FAM209A: variants seen among roughly 807,000 people sequenced by gnomAD.
The protein encoded by FAM209A is protein FAM209A.
A neutral mutation model predicts 9.8 loss-of-function variants in FAM209A; 4 were observed. The ratio of observed to expected loss-of-function variants is 0.41; its 90% CI spans 0.20 to 0.94. FAM209A has a LOEUF of 0.94. Among genes scored for constraint, FAM209A ranks in the 40% least tolerant of loss-of-function variants. FAM209A has a pLI of 0.32. For synonymous variants in FAM209A, 55 were observed against 77.8 expected, an observed-to-expected ratio of 0.71 and a Z score of 1.54; for missense variants, 205 against 209.4, an observed-to-expected ratio of 0.98 and a Z score of 0.13.
downstream of FAM209A, among the ~76,000 whole-genome samples, chr20:56,531,073 T>C (rs2146399790): frequency 6.6e-6 from 1 of 152,286 alleles, no homozygotes; most frequent in South Asian, 2.1e-4. Flanking sequence ...TGTGGAGTCC[T>C]AGGTTCATTC....
downstream of FAM209A, among the ~76,000 whole-genome samples, chr20:56,528,363 A>G (rs1448579925): frequency 1.3e-5 from 2 of 149,732 alleles, no homozygotes; most frequent in African/African-American, 4.9e-5. Context: ...GAAATTGGGG[A>G]AGGCAGATCA....
downstream of FAM209A, among the ~76,000 whole-genome samples, chr20:56,529,498 G>C (rs995590616): frequency 1.4e-4 from 21 of 151,764 alleles, no homozygotes; most frequent in African/African-American, 4.4e-4. Context: ...GTGGGTGACA[G>C]AGTGAGACTC....
downstream of FAM209A, chr20:56,526,286 A>G: frequency 1.7e-6 from 1 of 603,518 alleles, no homozygotes; most frequent in Non-Finnish European, 2.7e-6. Flanking sequence ...TGGTGAGAAG[A>G]ACACCGAAAG....
chr20:56,533,115 C>G, the FAM209A span: 3 of 1,406,892 alleles, frequency 2.1e-6, no homozygotes, highest in African/African-American at 1.4e-5. Context: ...TGCCTATCCT[C>G]TCTCTCTGAC....
chr20:56,528,808 T>A (rs551505253), downstream of FAM209A, among the ~76,000 whole-genome samples: 75 of 152,304 alleles, frequency 4.9e-4, no homozygotes, highest in African/African-American at 1.8e-3. Context: ...GGACAGGCCC[T>A]GATGGGTTCC....
the FAM209A span, chr20:56,533,404 GTTCTC>G: frequency 1.9e-6 from 3 of 1,614,080 alleles, no homozygotes; most frequent in South Asian, 3.3e-5. Context: ...ATGCCTTTAT[GTTCTC>G]TTCTCTGAGA....
At chr20:56,526,518 G>A (rs1381667965), downstream of FAM209A, among the ~76,000 whole-genome samples, 1 of 152,116 alleles carries the variant, frequency 6.6e-6, no homozygotes, top group East Asian at 1.9e-4. Context: ...TCAATTAGGA[G>A]GGGTGTATTC....
Position 56,524,779 on chromosome 20 carries a change from G to A in FAM209A, c.-30G>A, listed in dbSNP as rs758954868. ...TTGCGAGGGCAAGCAAACCCGTCAT[G>A]AGCAACTCCCTTCCCCATCTCTGCT... On this transcript the variant is annotated 5_prime_UTR_variant, in exon 1 of 2. The change abolishes an upstream ATG in the 5' untranslated region. Transcript: ENST00000371328. 2 of 1,612,004 alleles carry A rather than the reference G, an allele frequency of 1.2e-6. No individual in the cohort carries two copies. Among genetic ancestry groups the A allele is most frequent in the Non-Finnish European group, 1.7e-6 (2 of 1,178,444 alleles).
chr20:56,527,780 C>G (rs762258275), downstream of FAM209A, among the ~76,000 whole-genome samples: 4 of 152,224 alleles, frequency 2.6e-5, no homozygotes, highest in Non-Finnish European at 4.4e-5. Flanking sequence ...GGTCCCAACC[C>G]CGGGCCCTGA....
chr20:56,527,666 G>A (rs6024928), downstream of FAM209A, among the ~76,000 whole-genome samples: 700 of 152,258 alleles, frequency 4.6e-3, 8 homozygotes, highest in African/African-American at 0.016. Flanking sequence ...TGGCTTCTGC[G>A]GCTGCAGCAG....
chr20:56,533,329 A>G, the FAM209A span: 1 of 1,613,022 alleles, frequency 6.2e-7, no homozygotes, highest in Non-Finnish European at 8.5e-7. Flanking sequence ...TCCCTTCCCC[A>G]TCTCTGCTCA....
downstream of FAM209A, among the ~76,000 whole-genome samples, chr20:56,526,751 G>A (rs754500689): frequency 7.0e-4 from 106 of 151,798 alleles, no homozygotes; most frequent in Non-Finnish European, 1.4e-3. Context: ...GACAGAGCGA[G>A]ACTCCATCTC....
chr20:56,533,000 A>G, the FAM209A span: 1 of 246,802 alleles, frequency 4.1e-6, no homozygotes, highest in African/African-American at 2.3e-5. Flanking sequence ...TCTGCTCATC[A>G]TAGTGTTTGG....
At chr20:56,526,498 G>A, downstream of FAM209A, among the ~76,000 whole-genome samples, 1 of 152,088 alleles carries the variant, frequency 6.6e-6, no homozygotes, top group Non-Finnish European at 1.5e-5. Context: ...TTTTAAAATG[G>A]TAAAATGATT....
chr20:56,525,979 G>A lies in FAM209A; in HGVS notation c.425G>A (p.Gly142Asp). Residue 142 changes from glycine to aspartate, a missense_variant, in exon 2 of 2, where the codon GGC becomes GAC. Physicochemically the swap from Gly to Asp is moderately conservative, Grantham distance 94. Coordinates refer to ENST00000371328, the MANE Select transcript of FAM209A (RefSeq NM_001012971.4). ...NLKRAMATGS[G>D]SNLRLRKSEM... ...AAACGTGCCATGGCAACAGGTAGTGGCAGTAACCTCAGGCTTCGAAAGTCA... is the reference window on the plus strand; with the variant it reads ...AAACGTGCCATGGCAACAGGTAGTGACAGTAACCTCAGGCTTCGAAAGTCA... 6.2e-7 allele frequency: 1 copy of A among 1,614,198 alleles called. No individual in the cohort carries two copies. The highest frequency in any genetic ancestry group is 8.5e-7 in the Non-Finnish European group (1 of 1,180,044).
chr20:56,527,645 G>GCTC (rs1985593290), downstream of FAM209A, among the ~76,000 whole-genome samples: 1 of 152,212 alleles, frequency 6.6e-6, no homozygotes, highest in Non-Finnish European at 1.5e-5. Flanking sequence ...AGACCATGAG[G>GCTC]CAGGAGGCCA....
Position 56,525,053 on chromosome 20 carries a change from A to G in FAM209A, c.245A>G (p.Asn82Ser), listed in dbSNP as rs1568718567. Residue 82 changes from asparagine to serine, a missense_variant, in exon 1 of 2, where the codon AAT becomes AGT. Physicochemically the swap from Asn to Ser is conservative, Grantham distance 46 (BLOSUM62 1). Transcript: ENST00000371328. ...ILQCQRDSEK[N>S]KEQSPPGLRG... ...CAGTGTCAAAGAGACAGTGAGAAGA[A>G]TAAGGTAAGGATGGCTCCATTTTTT... 6.2e-7 allele frequency: 1 copy of G among 1,614,158 alleles called. No homozygotes were observed. Among genetic ancestry groups the G allele is most frequent in the South Asian group, 1.1e-5 (1 of 91,084 alleles).
chr20:56,526,141 T>C lies in FAM209A; in HGVS notation c.*71T>C. Reference sequence around the variant, plus strand: ...TGTATGCAAACTAATAAAACTATTCTGAAGAAAAGAACTTCCATGTTTGAG... The same window carrying C: ...TGTATGCAAACTAATAAAACTATTCCGAAGAAAAGAACTTCCATGTTTGAG... On this transcript the variant is annotated 3_prime_UTR_variant, in exon 2 of 2. Coordinates refer to ENST00000371328, the MANE Select transcript of FAM209A (RefSeq NM_001012971.4). 1 of 1,492,764 alleles carries C rather than the reference T, an allele frequency of 6.7e-7. No individual in the cohort carries two copies. Among genetic ancestry groups the C allele is most frequent in the Non-Finnish European group, 8.9e-7 (1 of 1,123,064 alleles). The allele number at this position is 1,492,764 out of a possible 1,614,324, so 92.5% of individuals were successfully genotyped here.
rs370781651 is a variant in FAM209A, at chr20:56,524,805, C to T, written c.-4C>T. On this transcript the variant is annotated 5_prime_UTR_variant, in exon 1 of 2. Transcript: ENST00000371328. ...AGCAACTCCCTTCCCCATCTCTGCTCACCATGTGGACGCTGAAATCGTCCC... is the reference window on the plus strand; with the variant it reads ...AGCAACTCCCTTCCCCATCTCTGCTTACCATGTGGACGCTGAAATCGTCCC... 1 of 1,614,018 alleles carries T rather than the reference C, an allele frequency of 6.2e-7. No individual in the cohort carries two copies. Among genetic ancestry groups the T allele is most frequent in the Non-Finnish European group, 8.5e-7 (1 of 1,179,872 alleles).
Sources: gnomAD v4.1 joint callset for allele counts (sites outside exome capture counted in the v4.1 genomes callset) on GRCh38, gnomAD v4.1.1 for gene constraint, MANE v1.5 for transcripts, NCBI Gene and HGNC (gene_info 2026-07-23, HGNC 2026-07-21) for gene names.